Variants in TMCO1 observed in about 807,000 individuals in gnomAD.
TMCO1 encodes the protein transmembrane and coiled-coil domains 1.
TMCO1 carries 29 observed loss-of-function variants against 29.3 expected under a neutral mutation model. That is an observed-to-expected ratio of 0.99 (90% CI 0.74 to 1.35). The LOEUF (loss-of-function observed/expected upper bound fraction) is 1.35. Ranked by LOEUF, TMCO1 falls within the 40% of genes most tolerant of loss-of-function variation. TMCO1 has a pLI of 0.00. For missense variants in TMCO1, 173 were observed against 225.5 expected (o/e 0.77, Z 1.49); for synonymous variants, 80 against 77.1 (o/e 1.04, Z -0.20).
chr1:165,737,355 A>AAATTC (rs554690885), intron 6 of TMCO1, among the ~76,000 whole-genome samples: 144 of 152,326 alleles, frequency 9.5e-4, no homozygotes, highest in Non-Finnish European at 1.6e-3. Context: ...AGATTTAAAA[A>AAATTC]AATTCAACAT....
chr1:165,728,405 C>T lies in TMCO1; in HGVS notation c.469-284G>A, dbSNP rs538236971. On this transcript the variant is annotated intron_variant, in intron 6 of 6. Coordinates refer to ENST00000367881, the MANE Select transcript of TMCO1 (RefSeq NM_019026.6). ...CCGAGTAGCTGGGACTACAGGTGCCCGCCACCACACCCGGCTAATTTTCTG... is the reference window on the plus strand; with the variant it reads ...CCGAGTAGCTGGGACTACAGGTGCCTGCCACCACACCCGGCTAATTTTCTG... 2.2e-4 allele frequency among the ~76,000 whole-genome samples: 34 copies of T among 151,856 alleles called. 1 individual carries two copies. The South Asian group carries it at 5.9e-3, about 26-fold the overall frequency.
rs753646054 is a variant in TMCO1, at chr1:165,768,694, G to C, written c.58C>G (p.Leu20Val). 8 of 1,614,048 alleles carry C rather than the reference G, an allele frequency of 5.0e-6. No homozygotes were observed. Among genetic ancestry groups the C allele is most frequent in the Non-Finnish European group, 6.8e-6 (8 of 1,180,038 alleles). ...TACCCGCTCTCACCCTCTGCGAGCA[G>C]AGCCGTGCACACAGAGATAAAAACG... ...LIVFISVCTA[L>V]LAEGITWVLV... is the part of the protein sequence containing the mutation. Residue 20 changes from leucine (L) to valine (V), a missense_variant, in exon 1 of 7, where the codon CTG becomes GTG. Coordinates refer to ENST00000367881, the MANE Select transcript of TMCO1 (RefSeq NM_019026.6).
Position 165,727,290 on chromosome 1 carries a change from A to G in TMCO1, c.*733T>C, listed in dbSNP as rs1307761038. 2.2e-6 allele frequency: 1 copy of G among 447,270 alleles called. No homozygotes were observed. The highest frequency in any genetic ancestry group is 4.5e-6 in the Non-Finnish European group (1 of 224,662). 27.7% of individuals were successfully genotyped at this position (447,270 alleles called of 1,614,324 possible). Reference sequence around the variant, plus strand: ...GACCCTCATTTTTATTTATTTATTTATATTTAATTTTTTTTCAGACATCAG... The same window carrying G: ...GACCCTCATTTTTATTTATTTATTTGTATTTAATTTTTTTTCAGACATCAG... On this transcript the variant is annotated 3_prime_UTR_variant, in exon 7 of 7. Transcript: ENST00000367881.
chr1:165,758,574 A>G (rs1652282827), intron 3 of TMCO1, among the ~76,000 whole-genome samples: 1 of 151,732 alleles, frequency 6.6e-6, no homozygotes, highest in African/African-American at 2.4e-5. Context: ...AACAAAAACA[A>G]AAACAGAAAA....
At chr1:165,725,024 C>CTCTCTCTCTATA (rs1415499190), downstream of TMCO1, 2 of 90,756 alleles carry the variant, frequency 2.2e-5, no homozygotes, top group Non-Finnish European at 4.3e-5. Flanking sequence ...CTCTCTCTCT[C>CTCTCTCTCTATA]TATATATATA....
At chr1:165,763,464 T>C (rs1652466032) in intron 2 of TMCO1, among the ~76,000 whole-genome samples, 1 of 152,206 alleles carries the variant, frequency 6.6e-6, no homozygotes, top group South Asian at 2.1e-4. Flanking sequence ...TACTGAGTTT[T>C]GGTAGATTAT....
intron 2 of TMCO1, among the ~76,000 whole-genome samples, chr1:165,761,169 ATT>A (rs35848504): frequency 3.0e-4 from 42 of 137,804 alleles, no homozygotes; most frequent in Admixed American, 3.7e-4. Context: ...TGTTTTGTGT[ATT>A]TGTGTGTGTG....
chr1:165,768,847 C>A lies in TMCO1; in HGVS notation c.-96G>T. The A allele has an allele frequency of 6.3e-7, 1 of 1,581,030 alleles. No individual in the cohort carries two copies. The highest frequency in any genetic ancestry group is 8.6e-7 in the Non-Finnish European group (1 of 1,162,514). On this transcript the variant is annotated 5_prime_UTR_variant, in exon 1 of 7. Transcript: ENST00000367881. ...AAACGGCTTCCGTAGACTCCGCCAC[C>A]ACCGAGTAACAGACCAACTCTGACA...
intron 6 of TMCO1, among the ~76,000 whole-genome samples, chr1:165,728,911 A>G (rs1651009696): frequency 6.6e-6 from 1 of 152,046 alleles, no homozygotes; most frequent in African/African-American, 2.4e-5. Context: ...AGCTTGGACA[A>G]CATGGTAAAA....
At chr1:165,756,150 A>T (rs982522922) in intron 3 of TMCO1, among the ~76,000 whole-genome samples, 5 of 152,180 alleles carry the variant, frequency 3.3e-5, no homozygotes, top group Non-Finnish European at 7.3e-5. Context: ...ATTTTTCACA[A>T]GTATCTCAAG....
intron 6 of TMCO1, among the ~76,000 whole-genome samples, chr1:165,729,546 C>G (rs1005574964): frequency 5.9e-5 from 9 of 152,062 alleles, no homozygotes; most frequent in African/African-American, 2.2e-4. Context: ...TCTTGAACTC[C>G]TGACCTCAGG....
At chr1:165,725,040 AT>A (rs1558024445), downstream of TMCO1, 4 of 237,246 alleles carry the variant, frequency 1.7e-5, no homozygotes, top group Non-Finnish European at 8.0e-6. Context: ...ATATATATAT[AT>A]ATATATAAAA....
intron 3 of TMCO1, among the ~76,000 whole-genome samples, chr1:165,758,707 A>G (rs16850047): frequency 0.022 from 3,425 of 152,320 alleles, 133 homozygotes; most frequent in African/African-American, 0.077. Context: ...TGTTTCTCCA[A>G]TGCTGTTAGG....
chr1:165,747,830 A>G (rs960847962), intron 5 of TMCO1, among the ~76,000 whole-genome samples: 1 of 152,184 alleles, frequency 6.6e-6, no homozygotes, highest in Non-Finnish European at 1.5e-5. Context: ...TCTGTAAAAT[A>G]AAGATTAGAA....
chr1:165,761,012 G>A (rs74121488), intron 2 of TMCO1, among the ~76,000 whole-genome samples: 2,020 of 152,060 alleles, frequency 0.013, 53 homozygotes, highest in African/African-American at 0.047. Flanking sequence ...GAGAATTAGC[G>A]GGTAGAACTC....
chr1:165,733,782 G>T (rs1651264995), intron 6 of TMCO1, among the ~76,000 whole-genome samples: 1 of 152,130 alleles, frequency 6.6e-6, no homozygotes, highest in South Asian at 2.1e-4. Context: ...AACAAATGAA[G>T]AATGTATACC....
chr1:165,757,568 C>A (rs565318715), intron 3 of TMCO1, among the ~76,000 whole-genome samples: 1 of 152,232 alleles, frequency 6.6e-6, no homozygotes, highest in African/African-American at 2.4e-5. Flanking sequence ...GCGATCTCGG[C>A]GCACTACAAC....
chr1:165,737,304 A>G (rs1284252817), intron 6 of TMCO1, among the ~76,000 whole-genome samples: 1 of 152,128 alleles, frequency 6.6e-6, no homozygotes, highest in Non-Finnish European at 1.5e-5. Context: ...TTGAAGACAG[A>G]TCAACAGAAA....
intron 2 of TMCO1, among the ~76,000 whole-genome samples, chr1:165,763,756 G>T (rs2101816798): frequency 6.6e-6 from 1 of 152,274 alleles, no homozygotes; most frequent in South Asian, 2.1e-4. Context: ...CTCCCAAGTA[G>T]TTGGGACCAC....
Sources: gnomAD v4.1 joint callset for allele counts (sites outside exome capture counted in the v4.1 genomes callset) on GRCh38, gnomAD v4.1.1 for gene constraint, MANE v1.5 for transcripts, NCBI Gene and HGNC (gene_info 2026-07-23, HGNC 2026-07-21) for gene names.